Variants in RRP1B observed in about 807,000 individuals in gnomAD.
RRP1B encodes the protein ribosomal RNA processing protein 1 homolog B.
RRP1B carries 56 observed loss-of-function variants against 80.2 expected under a neutral mutation model. The ratio of observed to expected loss-of-function variants is 0.70; its 90% CI spans 0.56 to 0.87. The LOEUF is 0.87. Ranked by LOEUF, RRP1B falls within the 40% of genes least tolerant of loss-of-function variation. The pLI is 0.00. For synonymous variants in RRP1B, 351 were observed against 357.6 expected (o/e 0.98, Z 0.21); for missense variants, 807 against 939.8 (o/e 0.86, Z 1.85).
chr21:43,679,373 A>T (rs1282286909), intron 8 of RRP1B, among the ~76,000 whole-genome samples: 1 of 151,864 alleles, frequency 6.6e-6, no homozygotes, highest in Non-Finnish European at 1.5e-5. Context: ...TGTTCAAGCG[A>T]TTCTCATGCC....
chr21:43,659,868 C>T lies in RRP1B; in HGVS notation c.130+74C>T, dbSNP rs1340370483. On this transcript the variant is annotated intron_variant, in intron 1 of 15. Coordinates refer to ENST00000340648, the MANE Select transcript of RRP1B (RefSeq NM_015056.3). The surrounding 1 kb of genome is among the most constrained non-coding windows in gnomAD (Gnocchi z 4.2). ...GGGGCTGGGGCTAGGGCCAGGGCCC[C>T]GGCACGGAATGCGGCTTCCACGTGT... 1.1e-5 allele frequency: 15 copies of T among 1,368,660 alleles called. No individual in the cohort carries two copies. The South Asian group carries it at 1.5e-4, about 14-fold the overall frequency. 84.8% of individuals were successfully genotyped at this position (1,368,660 alleles called of 1,614,324 possible). A position where few individuals can be genotyped will look rare whatever the true frequency, so the allele number is the denominator to read the frequency against.
chr21:43,661,701 AC>A (rs1568952904), intron 1 of RRP1B, among the ~76,000 whole-genome samples: 1 of 152,142 alleles, frequency 6.6e-6, no homozygotes, highest in Non-Finnish European at 1.5e-5. Context: ...ATCCCACATC[AC>A]CAATATTTTT....
chr21:43,676,662 T>G (rs2083023866), intron 7 of RRP1B, 71 bp from the exon 8 acceptor site: 1 of 1,388,482 alleles, frequency 7.2e-7, no homozygotes, highest in African/African-American at 1.4e-5. Context: ...GGCTTCCCTC[T>G]GTGCCCCTGA....
Position 43,659,596 on chromosome 21 carries a change from G to A in RRP1B, c.-69G>A, listed in dbSNP as rs913143813. On this transcript the variant is annotated 5_prime_UTR_variant, in exon 1 of 16. Coordinates refer to ENST00000340648, the MANE Select transcript of RRP1B (RefSeq NM_015056.3). This position sits in a 1 kb window ranked among gnomAD's most constrained non-coding sequence, Gnocchi z 4.2. ...CGGCCCGGGCGGACGGTGGCTGGCT[G>A]CTCCGCAGCGCTCGGCTGGCTGCAG... 6.8e-6 allele frequency: 9 copies of A among 1,327,492 alleles called. No homozygotes were observed. Among genetic ancestry groups the A allele is most frequent in the African/African-American group, 6.2e-5 (4 of 64,470 alleles). The allele number at this position is 1,327,492 out of a possible 1,614,324, so 82.2% of individuals were successfully genotyped here.
In RRP1B at chr21:43,693,959, G is replaced by C. The variant is rs764404128; in HGVS notation, c.*576G>C. The stretch of plus-strand genomic sequence containing the variant: ...TTTTTCTACATGTGCTCAGCTGGGG[G>C]TGTGGACAGGTAGGGGTGGGGAAAG... On this transcript the variant is annotated 3_prime_UTR_variant, in exon 16 of 16. Coordinates refer to ENST00000340648, the MANE Select transcript of RRP1B (RefSeq NM_015056.3). This position sits in a 1 kb window ranked among gnomAD's most constrained non-coding sequence, Gnocchi z 4.1. The C allele has an allele frequency of 1.3e-5, 2 of 152,384 alleles. No individual in the cohort carries two copies. The highest frequency in any genetic ancestry group is 2.9e-5 in the Non-Finnish European group (2 of 68,092). 9.4% of individuals were successfully genotyped at this position (152,384 alleles called of 1,614,324 possible).
chr21:43,660,776 G>A (rs1319721152), intron 1 of RRP1B, among the ~76,000 whole-genome samples: 5 of 152,096 alleles, frequency 3.3e-5, no homozygotes, highest in African/African-American at 4.8e-5. Flanking sequence ...GTTGGGGTTG[G>A]GGGGGCGAGT....
At chr21:43,666,360 AAAAC>A (rs754973779) in intron 1 of RRP1B, among the ~76,000 whole-genome samples, 1 of 151,988 alleles carries the variant, frequency 6.6e-6, no homozygotes, top group African/African-American at 2.4e-5. Flanking sequence ...GCAGTGGAGA[AAAAC>A]AAGGTGCTGG....
chr21:43,695,173 TC>T lies in RRP1B; in HGVS notation c.*1791del, dbSNP rs1007989589. On this transcript the variant is annotated 3_prime_UTR_variant, in exon 16 of 16. Coordinates refer to ENST00000340648, the MANE Select transcript of RRP1B (RefSeq NM_015056.3). The stretch of plus-strand genomic sequence containing the variant: ...AAGGTGAGCAAATAGTTTTAACTTT[TC>T]TTTTTTTTTTTTAAGTTTCATTCTT... 1.5e-4 allele frequency: 14 copies of T among 91,822 alleles called. No individual in the cohort carries two copies. The highest frequency in any genetic ancestry group is 4.6e-4 in the African/African-American group (13 of 28,196). The allele number at this position is 91,822 out of a possible 1,614,324, so 5.7% of individuals were successfully genotyped here.
rs1568961665 is a variant in RRP1B, at chr21:43,691,640, T to TA, written c.2083+138_2083+139insA. 2.7e-5 allele frequency: 12 copies of TA among 452,142 alleles called. No individual in the cohort carries two copies. The highest frequency in any genetic ancestry group is 8.1e-5 in the African/African-American group (3 of 37,242). 28.0% of individuals were successfully genotyped at this position (452,142 alleles called of 1,614,324 possible). On this transcript the variant is annotated intron_variant, in intron 15 of 15. Coordinates refer to ENST00000340648, the MANE Select transcript of RRP1B (RefSeq NM_015056.3). The surrounding 1 kb of genome is among the most constrained non-coding windows in gnomAD (Gnocchi z 4.2). Reference sequence around the variant, plus strand: ...CACTGCCCATTTCTTTATTTTTATTTTTTTTTTTTTTTTGAGACAGAGTCT... The same window carrying TA: ...CACTGCCCATTTCTTTATTTTTATTTATTTTTTTTTTTTTGAGACAGAGTCT...
intron 13 of RRP1B, 34 bp downstream of exon 13, chr21:43,688,274 CAG>C: frequency 2.7e-6 from 4 of 1,489,094 alleles, no homozygotes; most frequent in Non-Finnish European, 3.6e-6. Flanking sequence ...CAGCTCGCCA[CAG>C]AGGCACTCAC....
At chr21:43,686,558 C>G in intron 11 of RRP1B, 1 of 402,690 alleles carries the variant, frequency 2.5e-6, no homozygotes, top group Non-Finnish European at 4.6e-6. Context: ...ATTAGCCAAG[C>G]GTCCGGGGTC....
intron 8 of RRP1B, among the ~76,000 whole-genome samples, chr21:43,681,922 T>A (rs1188682297): frequency 2.0e-5 from 3 of 152,238 alleles, no homozygotes; most frequent in African/African-American, 7.2e-5. Context: ...CTGCACTGCG[T>A]CCTGGGCAAC....
Position 43,691,536 on chromosome 21 carries a change from G to T in RRP1B, c.2083+34G>T, listed in dbSNP as rs372654914. On this transcript the variant is annotated intron_variant, in intron 15 of 15. Transcript: ENST00000340648. The surrounding 1 kb of genome is among the most constrained non-coding windows in gnomAD (Gnocchi z 4.2). ...GGTTTTGCCAGCGGCAAGCTTCTCT[G>T]GAGCACAGCTGCAGCTCCTGGCGCG... is the stretch of plus-strand genomic sequence containing the variant. The T allele has an allele frequency of 6.2e-5, 99 of 1,605,924 alleles. No homozygotes were observed. The Admixed American group carries it at 1.5e-3, about 25-fold the overall frequency.
In RRP1B at chr21:43,659,761, C is replaced by A; in HGVS notation, c.97C>A (p.Gln33Lys). 6.6e-7 allele frequency: 1 copy of A among 1,522,134 alleles called. No homozygotes were observed. The highest frequency in any genetic ancestry group is 8.8e-7 in the Non-Finnish European group (1 of 1,132,286). The allele number at this position is 1,522,134 out of a possible 1,614,324, so 94.3% of individuals were successfully genotyped here. A position where few individuals can be genotyped will look rare whatever the true frequency, so the allele number is the denominator to read the frequency against. The change falls in exon 1 of 16, where the codon CAG (glutamine) becomes AAG (lysine). Residue 33 changes from glutamine to lysine, a missense_variant. Physicochemically the swap from Gln to Lys is moderately conservative, Grantham distance 53. Coordinates refer to ENST00000340648, the MANE Select transcript of RRP1B (RefSeq NM_015056.3). The surrounding 1 kb of genome is among the most constrained non-coding windows in gnomAD (Gnocchi z 4.2). ...GGACCGAGCGGTGAAGAAGCTGCGC[C>A]AGTACATCAGCGTGAAGACGCAGAG... ...IRDRAVKKLR[Q>K]YISVKTQRET...
At position 43,670,087 on chromosome 21, in the gene RRP1B, G is replaced by A. The variant is rs550118332; in HGVS notation, c.213+121G>A. On this transcript the variant is annotated intron_variant, in intron 2 of 15. Coordinates refer to ENST00000340648, the MANE Select transcript of RRP1B (RefSeq NM_015056.3). ...CGCACACTGACAGTCATGCTTCAAGGAGTCATTTTCGTACCTCTTGTCCAT... is the reference window on the plus strand; with the variant it reads ...CGCACACTGACAGTCATGCTTCAAGAAGTCATTTTCGTACCTCTTGTCCAT... 2.2e-5 allele frequency: 13 copies of A among 590,032 alleles called. No homozygotes were observed. In the East Asian group the frequency reaches 3.9e-4, roughly 18 times the overall value. 36.5% of individuals were successfully genotyped at this position (590,032 alleles called of 1,614,324 possible). A position where few individuals can be genotyped will look rare whatever the true frequency, so the allele number is the denominator to read the frequency against.
chr21:43,675,182 G>C lies in RRP1B; in HGVS notation c.549+19G>C, dbSNP rs201910204. 3.8e-5 allele frequency: 61 copies of C among 1,612,136 alleles called. 1 individual carries two copies. In the East Asian group the frequency reaches 1.4e-3, roughly 36 times the overall value. On this transcript the variant is annotated intron_variant, in intron 6 of 15. Coordinates refer to ENST00000340648, the MANE Select transcript of RRP1B (RefSeq NM_015056.3). ...GAAGGAGGTAAGCAGCTGCCGACAG[G>C]CTGCCCACGGGGTGAGGGGGCCGCC...
In RRP1B at chr21:43,693,284, G is replaced by A; in HGVS notation, c.2178G>A (p.Leu726=). The change falls in exon 16 of 16, where the codon CTG becomes CTA. Residue 726 remains leucine, a synonymous_variant. Coordinates refer to ENST00000340648, the MANE Select transcript of RRP1B (RefSeq NM_015056.3). This position sits in a 1 kb window ranked among gnomAD's most constrained non-coding sequence, Gnocchi z 4.1. ...AACAGAAGCCCCTCCACGGGGTGCT[G>A]AAGACCCCCACCAGCTCACCTGCCA... ...DPEQKPLHGV[L]KTPTSSPASS... The A allele has an allele frequency of 6.2e-7, 1 of 1,613,934 alleles. No individual in the cohort carries two copies. Among genetic ancestry groups the A allele is most frequent in the African/African-American group, 1.3e-5 (1 of 75,002 alleles).
intron 5 of RRP1B, 131 bp from the exon 6 acceptor site, chr21:43,674,903 T>C: frequency 1.5e-6 from 2 of 1,303,662 alleles, no homozygotes; most frequent in Non-Finnish European, 1.1e-6. Flanking sequence ...CTTTTTTCCT[T>C]GTAAAATGAT....
chr21:43,679,863 G>A (rs1312556520), intron 8 of RRP1B, among the ~76,000 whole-genome samples: 4 of 152,082 alleles, frequency 2.6e-5, no homozygotes, highest in Non-Finnish European at 4.4e-5. Context: ...TCACATCCTT[G>A]GTTAGGTATA....
Sources: allele counts gnomAD v4.1 joint callset (sites outside exome capture counted in the v4.1 genomes callset), GRCh38; gene constraint gnomAD v4.1.1; non-coding constraint Gnocchi (gnomAD v3.1); transcripts MANE v1.5; gene names NCBI Gene and HGNC (gene_info 2026-07-23, HGNC 2026-07-21).